FTO: variants seen among roughly 807,000 people sequenced by gnomAD.
FTO encodes the protein FTO alpha-ketoglutarate dependent dioxygenase.
A neutral mutation model predicts 63.9 loss-of-function variants in FTO; 47 were observed. That is an observed-to-expected ratio of 0.74 (90% CI 0.58 to 0.94). The LOEUF is 0.94. Among genes scored for constraint, FTO ranks in the 40% least tolerant of loss-of-function variants. FTO has a pLI of 0.00. For synonymous variants in FTO, 207 were observed against 224.4 expected (o/e 0.92, Z 0.69); for missense variants, 562 against 618.1 (o/e 0.91, Z 0.96).
intron 8 of FTO, among the ~76,000 whole-genome samples, chr16:54,060,122 T>G (rs2085535528): frequency 2.0e-5 from 3 of 152,194 alleles, no homozygotes; most frequent in Admixed American, 2.0e-4. Context: ...CTCTTCCAAC[T>G]TGATAACGTG....
chr16:53,856,760 A>C (rs1031354060), intron 4 of FTO, among the ~76,000 whole-genome samples: 1 of 152,016 alleles, frequency 6.6e-6, no homozygotes, highest in Non-Finnish European at 1.5e-5. Flanking sequence ...AAAAAAAAAA[A>C]CAAGCATGGA....
At chr16:53,753,337 C>T (rs1467799846) in intron 1 of FTO, among the ~76,000 whole-genome samples, 1 of 150,634 alleles carries the variant, frequency 6.6e-6, no homozygotes, top group Non-Finnish European at 1.5e-5. Flanking sequence ...TTATTTGATC[C>T]AGCCCAATAA....
At chr16:53,768,210 A>G (rs1224923345) in intron 1 of FTO, among the ~76,000 whole-genome samples, 1 of 152,214 alleles carries the variant, frequency 6.6e-6, no homozygotes, top group East Asian at 1.9e-4. Context: ...TGGTCTAGGT[A>G]CCTGACATCC....
At chr16:53,735,705 G>T (rs1247326191) in intron 1 of FTO, among the ~76,000 whole-genome samples, 1 of 152,224 alleles carries the variant, frequency 6.6e-6, no homozygotes, top group Non-Finnish European at 1.5e-5. Flanking sequence ...TGTCTTTGAA[G>T]CCTAGTTGGA....
intron 8 of FTO, among the ~76,000 whole-genome samples, chr16:53,936,370 C>G (rs574682966): frequency 1.3e-5 from 2 of 152,188 alleles, no homozygotes; most frequent in Non-Finnish European, 2.9e-5. Context: ...ATCCTTCTCC[C>G]CACCACTTCT....
chr16:54,020,610 G>C (rs1461723080), intron 8 of FTO, among the ~76,000 whole-genome samples: 1 of 152,186 alleles, frequency 6.6e-6, no homozygotes, highest in Non-Finnish European at 1.5e-5. Context: ...GTTTCAGAAA[G>C]GCTTTTGGAG....
chr16:53,948,601 G>A (rs1214310950), intron 8 of FTO, among the ~76,000 whole-genome samples: 1 of 152,226 alleles, frequency 6.6e-6, no homozygotes, highest in African/African-American at 2.4e-5. Flanking sequence ...CCAGCCTTGC[G>A]AGGAGGCAGG....
intron 2 of FTO, among the ~76,000 whole-genome samples, chr16:53,818,492 A>G (rs1001170566): frequency 3.1e-4 from 47 of 152,102 alleles, no homozygotes; most frequent in African/African-American, 1.1e-3. Context: ...GAATTTTTTT[A>G]GTGCAGCATC....
At chr16:54,083,362 C>T (rs1460046534) in intron 8 of FTO, among the ~76,000 whole-genome samples, 2 of 152,282 alleles carry the variant, frequency 1.3e-5, no homozygotes, top group East Asian at 3.9e-4. Flanking sequence ...AAGTTAATTT[C>T]TTTGCAAGCA....
At chr16:54,091,712 C>T (rs1183978059) in intron 8 of FTO, among the ~76,000 whole-genome samples, 1 of 152,154 alleles carries the variant, frequency 6.6e-6, no homozygotes, top group African/African-American at 2.4e-5. Context: ...GCCATGTTTC[C>T]ATCATATTAT....
At chr16:53,843,538 G>A (rs151214735) in intron 3 of FTO, among the ~76,000 whole-genome samples, 6 of 152,064 alleles carry the variant, frequency 3.9e-5, no homozygotes, top group African/African-American at 1.4e-4. Flanking sequence ...TTTTAAATTT[G>A]TCTATTGGCC....
At chr16:53,810,070 GA>G in intron 1 of FTO, 69 bp from the exon 2 acceptor site, 1 of 1,042,884 alleles carries the variant, frequency 9.6e-7, no homozygotes, top group Non-Finnish European at 1.5e-6. Flanking sequence ...TCTCTTATTG[GA>G]AAAATAAGAG....
chr16:53,862,521 T>A (rs1207728587), intron 4 of FTO, among the ~76,000 whole-genome samples: 1 of 151,574 alleles, frequency 6.6e-6, no homozygotes, highest in Non-Finnish European at 1.5e-5. Flanking sequence ...ATTATTCTTA[T>A]ATCTTTCTGT....
At chr16:53,855,859 C>G (rs1488542260) in intron 4 of FTO, among the ~76,000 whole-genome samples, 2 of 152,102 alleles carry the variant, frequency 1.3e-5, no homozygotes, top group African/African-American at 4.8e-5. Context: ...ATAAGAAAAC[C>G]ATCAAAGATA....
chr16:53,750,217 T>TTTTTTC (rs369455052), intron 1 of FTO, among the ~76,000 whole-genome samples: 34 of 152,234 alleles, frequency 2.2e-4, no homozygotes, highest in African/African-American at 7.5e-4. Context: ...TAAGAATGGC[T>TTTTTTC]TTTTTCTTTT....
chr16:53,720,605 A>C (rs906106353), intron 1 of FTO, among the ~76,000 whole-genome samples: 5 of 147,876 alleles, frequency 3.4e-5, no homozygotes, highest in African/African-American at 1.2e-4. Flanking sequence ...GGAACACAGA[A>C]ACTTAAAAAG....
At chr16:54,064,152 C>T (rs1322735279) in intron 8 of FTO, among the ~76,000 whole-genome samples, 1 of 152,130 alleles carries the variant, frequency 6.6e-6, no homozygotes. Context: ...AAAAATGGTA[C>T]ATGTAGCTTT....
Position 53,826,449 on chromosome 16 carries a change from G to C in FTO, c.709G>C (p.Val237Leu). The change falls in exon 3 of 9, where the codon GTG becomes CTG. Residue 237 changes from valine (V) to leucine (L), a missense_variant. Transcript: ENST00000471389. ...AVSWHHDENL[V>L]DRSAVAVYSY... ...GAGCTGGCATCATGATGAAAATCTG[G>C]TGGACAGGTCAGCGGTGGCAGTGTA... 6.2e-7 allele frequency: 1 copy of C among 1,614,184 alleles called. No homozygotes were observed. The highest frequency in any genetic ancestry group is 1.3e-5 in the African/African-American group (1 of 75,042).
intron 8 of FTO, among the ~76,000 whole-genome samples, chr16:54,052,835 G>C (rs1188183490): frequency 2.6e-5 from 4 of 152,184 alleles, no homozygotes; most frequent in African/African-American, 9.6e-5. Context: ...GAGTAGCTGG[G>C]ACTACAGATG....
Sources: allele counts gnomAD v4.1 joint callset (sites outside exome capture counted in the v4.1 genomes callset), GRCh38; gene constraint gnomAD v4.1.1; transcripts MANE v1.5; gene names NCBI Gene and HGNC (gene_info 2026-07-23, HGNC 2026-07-21).